KAZN: variants seen among roughly 807,000 people sequenced by gnomAD.
KAZN encodes the protein kazrin, periplakin interacting protein, also known as kazrin.
In KAZN, 40 loss-of-function variants were observed where a neutral mutation model predicts 87.4. That is an observed-to-expected ratio of 0.46 (90% CI 0.36 to 0.60). KAZN has a LOEUF of 0.60. KAZN is among the 20% of genes least tolerant of loss of function. The pLI is 0.00. For missense variants in KAZN, 898 were observed against 1,073.9 expected (o/e 0.84, Z 2.29); for synonymous variants, 466 against 458.3 (o/e 1.02, Z -0.22).
chr1:14,956,185 C>T (rs531132516), intron 1 of KAZN, among the ~76,000 whole-genome samples: 9 of 151,630 alleles, frequency 5.9e-5, no homozygotes, highest in African/African-American at 1.5e-4. Context: ...GACAAGGCCC[C>T]GGCCAGGCCT....
intron 2 of KAZN, among the ~76,000 whole-genome samples, chr1:15,001,307 CAAAAAAA>C (rs201932238): frequency 1.0e-5 from 1 of 97,790 alleles, no homozygotes; most frequent in Admixed American, 1.0e-4. Context: ...ACTAAAAATA[CAAAAAAA>C]AAAAAAAAAA....
intron 1 of KAZN, among the ~76,000 whole-genome samples, chr1:14,089,114 A>T (rs1027292764): frequency 6.6e-6 from 1 of 151,912 alleles, no homozygotes; most frequent in African/African-American, 2.4e-5. Context: ...CCTCCCTTTA[A>T]TATCAACATC....
intron 2 of KAZN, among the ~76,000 whole-genome samples, chr1:14,376,861 A>C (rs934193506): frequency 1.3e-5 from 2 of 152,212 alleles, no homozygotes; most frequent in African/African-American, 4.8e-5. Context: ...CAGCAACAAC[A>C]AACTAAAAAT....
At chr1:14,291,688 G>A (rs1653705309) in intron 2 of KAZN, among the ~76,000 whole-genome samples, 1 of 152,166 alleles carries the variant, frequency 6.6e-6, no homozygotes. Flanking sequence ...TCCATGGGCT[G>A]CACCCACTGC....
intron 2 of KAZN, among the ~76,000 whole-genome samples, chr1:14,493,664 C>G (rs565794980): frequency 1.3e-3 from 192 of 152,326 alleles, no homozygotes; most frequent in Non-Finnish European, 2.4e-3. Context: ...GATATAATAT[C>G]TCTACGTGCT....
intron 1 of KAZN, among the ~76,000 whole-genome samples, chr1:14,693,218 T>A (rs1179306406): frequency 1.3e-5 from 2 of 152,306 alleles, no homozygotes; most frequent in African/African-American, 4.8e-5. Context: ...TCCGCCTCCT[T>A]ATCACCTCCT....
chr1:14,712,285 C>A (rs1642529495), intron 1 of KAZN, among the ~76,000 whole-genome samples: 2 of 152,064 alleles, frequency 1.3e-5, no homozygotes, highest in South Asian at 4.1e-4. Flanking sequence ...TTCATCTGTG[C>A]CTGAGATGCA....
At position 14,305,738 on chromosome 1, in the gene KAZN, A is replaced by G. The variant is rs148668593; in HGVS notation, c.249+125146A>G. ...TGGCAGGGTATCGCTAAGAACCAGG[A>G]TTATAAAGATGAACAGGCCTCAGGT... On this transcript the variant is annotated intron_variant, in intron 2 of 16. Coordinates refer to the KAZN transcript ENST00000636203. 7.9e-5 allele frequency among the ~76,000 whole-genome samples: 12 copies of G among 151,884 alleles called. No individual in the cohort carries two copies. The East Asian group carries it at 2.3e-3, about 29-fold the overall frequency.
At chr1:14,080,775 G>C (rs764805456) in intron 1 of KAZN, among the ~76,000 whole-genome samples, 1 of 152,204 alleles carries the variant, frequency 6.6e-6, no homozygotes, top group African/African-American at 2.4e-5. Flanking sequence ...CACATAGCCA[G>C]CTTGTGTAAC....
chr1:13,949,120 A>T (rs1304861631), intron 1 of KAZN, among the ~76,000 whole-genome samples: 1 of 152,206 alleles, frequency 6.6e-6, no homozygotes, highest in Non-Finnish European at 1.5e-5. Flanking sequence ...TTCTGGTAAG[A>T]ACATCATTTC....
chr1:14,728,218 G>A lies in KAZN; in HGVS notation c.226+128995G>A, dbSNP rs145895986. Among the ~76,000 whole-genome samples the A allele has an allele frequency of 1.5e-3, 225 of 149,950 alleles. 1 individual carries two copies. The highest frequency in any genetic ancestry group is 5.2e-3 in the African/African-American group (212 of 40,698). On this transcript the variant is annotated intron_variant, in intron 1 of 14. Coordinates refer to ENST00000376030, the MANE Select transcript of KAZN (RefSeq NM_201628.3). ...GGAGAATCGCTTGAACTTGGGAGGC[G>A]GAGGTTGCAGTGAGCCGAGATTGTG...
At chr1:14,039,785 T>A (rs1641720096) in intron 1 of KAZN, among the ~76,000 whole-genome samples, 2 of 152,180 alleles carry the variant, frequency 1.3e-5, no homozygotes, top group Admixed American at 1.3e-4. Flanking sequence ...CTGGGCGACC[T>A]CTCCAGCCCT....
chr1:15,078,709 G>A (rs1639865086), intron 8 of KAZN, among the ~76,000 whole-genome samples: 1 of 152,202 alleles, frequency 6.6e-6, no homozygotes, highest in African/African-American at 2.4e-5. Flanking sequence ...GATTCTAGAA[G>A]GGCATCGGTC....
intron 1 of KAZN, among the ~76,000 whole-genome samples, chr1:14,691,298 A>G (rs1189014169): frequency 6.6e-6 from 1 of 152,236 alleles, no homozygotes; most frequent in African/African-American, 2.4e-5. Context: ...GAACCCAGTA[A>G]GATACAAGCA....
At chr1:14,352,779 A>G (rs1658657611) in intron 2 of KAZN, among the ~76,000 whole-genome samples, 1 of 152,232 alleles carries the variant, frequency 6.6e-6, no homozygotes, top group South Asian at 2.1e-4. Context: ...ACATTACAAG[A>G]TAAGAAAATT....
intron 1 of KAZN, among the ~76,000 whole-genome samples, chr1:14,130,281 C>T (rs1448806517): frequency 6.6e-6 from 1 of 152,152 alleles, no homozygotes; most frequent in Non-Finnish European, 1.5e-5. Context: ...CTCCATCCAG[C>T]CATCAGTGGG....
chr1:14,981,215 A>G (rs577310651), intron 2 of KAZN, among the ~76,000 whole-genome samples: 3 of 152,344 alleles, frequency 2.0e-5, no homozygotes, highest in African/African-American at 7.2e-5. Flanking sequence ...CCTAGCTCCC[A>G]ACCCTGAATG....
intron 1 of KAZN, among the ~76,000 whole-genome samples, chr1:14,052,443 G>A (rs1471509307): frequency 2.0e-5 from 3 of 152,058 alleles, no homozygotes; most frequent in Non-Finnish European, 4.4e-5. Context: ...GCTACACCAA[G>A]CCATGCAGGA....
intron 1 of KAZN, among the ~76,000 whole-genome samples, chr1:14,175,006 G>A (rs764730663): frequency 6.6e-5 from 10 of 152,302 alleles, no homozygotes; most frequent in East Asian, 1.9e-4. Context: ...CAGGAAGAAT[G>A]TTTCTCCCAC....
Sources: allele counts gnomAD v4.1 joint callset (sites outside exome capture counted in the v4.1 genomes callset), GRCh38; gene constraint gnomAD v4.1.1; transcripts MANE v1.5; gene names NCBI Gene and HGNC (gene_info 2026-07-23, HGNC 2026-07-21).